Variants in PALM observed in about 807,000 individuals in gnomAD.
The protein encoded by PALM is paralemmin-1.
In PALM, 18 loss-of-function variants were observed where a neutral mutation model predicts 30.7. The observed-to-expected ratio is 0.59, with a 90% CI of 0.41 to 0.87. PALM has a LOEUF of 0.87. PALM is among the 40% of genes least tolerant of loss of function. PALM has a pLI of 0.00. For synonymous variants in PALM, 286 were observed against 242.8 expected (o/e 1.18, Z -1.66); for missense variants, 529 against 555.4 (o/e 0.95, Z 0.48).
chr19:744,722 C>T (rs1156501953), intron 8 of PALM, among the ~76,000 whole-genome samples: 1 of 151,522 alleles, frequency 6.6e-6, no homozygotes, highest in Non-Finnish European at 1.5e-5. Flanking sequence ...GGTGAAACCC[C>T]ATCTCTACTA....
In PALM at chr19:732,643, G is replaced by C. The variant is rs527332789; in HGVS notation, c.420+1398G>C. Reference sequence around the variant, plus strand: ...CAGGGGGCAGAGGTTGCAGTGAGCTGAGATCACGCCACTACACTCCAGCCT... The same window carrying C: ...CAGGGGGCAGAGGTTGCAGTGAGCTCAGATCACGCCACTACACTCCAGCCT... On this transcript the variant is annotated intron_variant, in intron 5 of 8. Coordinates refer to ENST00000338448, the MANE Select transcript of PALM (RefSeq NM_002579.3). Among the ~76,000 whole-genome samples the C allele has an allele frequency of 5.3e-5, 8 of 152,156 alleles. No individual in the cohort carries two copies. The South Asian group carries it at 1.7e-3, about 32-fold the overall frequency.
chr19:731,436 C>T (rs2032871470), intron 5 of PALM, among the ~76,000 whole-genome samples, 191 bp downstream of exon 5: 1 of 152,206 alleles, frequency 6.6e-6, no homozygotes, highest in African/African-American at 2.4e-5. Context: ...CCTTGCTGGG[C>T]CTCGGTTTCC....
At chr19:745,986 A>C (rs562503602) in intron 8 of PALM, among the ~76,000 whole-genome samples, 123 of 152,192 alleles carry the variant, frequency 8.1e-4, no homozygotes, top group African/African-American at 2.8e-3. Context: ...TGAACCCGGG[A>C]GGTGGAGCTT....
At chr19:728,769 C>G (rs973457481) in intron 4 of PALM, among the ~76,000 whole-genome samples, 2 of 151,918 alleles carry the variant, frequency 1.3e-5, no homozygotes, top group South Asian at 2.1e-4. Context: ...TTTGGGAGAC[C>G]GAGGTGGGTG....
At position 716,335 on chromosome 19, in the gene PALM, C is replaced by T. The variant is rs542353000; in HGVS notation, c.5+7184C>T. ...GGCTGAGGCAGGAGAATCGCTTGAACCCAGGAGGAGGTTGCAGTGAGCCGA... is the reference window on the plus strand; with the variant it reads ...GGCTGAGGCAGGAGAATCGCTTGAATCCAGGAGGAGGTTGCAGTGAGCCGA... On this transcript the variant is annotated intron_variant, in intron 1 of 8. Coordinates refer to ENST00000338448, the MANE Select transcript of PALM (RefSeq NM_002579.3). Among the ~76,000 whole-genome samples, 3 of 152,214 alleles carry T rather than the reference C, an allele frequency of 2.0e-5. No homozygotes were observed. The South Asian group carries it at 6.2e-4, about 32-fold the overall frequency.
chr19:723,302 A>G lies in PALM; in HGVS notation c.6-2836A>G, dbSNP rs1487956925. Among the ~76,000 whole-genome samples, 3 of 152,090 alleles carry G rather than the reference A, an allele frequency of 2.0e-5. No homozygotes were observed. The East Asian group carries it at 5.8e-4, about 29-fold the overall frequency. ...CCAGGCTGAGAGGGCTGGGGGTGGCAGCAGACACGAAGGGCAGGCTGTAAT... is the reference window on the plus strand; with the variant it reads ...CCAGGCTGAGAGGGCTGGGGGTGGCGGCAGACACGAAGGGCAGGCTGTAAT... On this transcript the variant is annotated intron_variant, in intron 1 of 8. Transcript: ENST00000338448.
chr19:722,070 C>T (rs1421231865), intron 1 of PALM, among the ~76,000 whole-genome samples: 1 of 152,262 alleles, frequency 6.6e-6, no homozygotes, highest in East Asian at 1.9e-4. Flanking sequence ...AGGCACCCGC[C>T]ACCACGCCGG....
rs189393274 is a variant in PALM at position 731,052 on chromosome 19, C to G, written c.270-43C>G. 9.4e-6 allele frequency: 13 copies of G among 1,385,248 alleles called. No homozygotes were observed. In the Middle Eastern group the frequency reaches 9.7e-4, roughly 103 times the overall value. 85.8% of individuals were successfully genotyped at this position (1,385,248 alleles called of 1,614,324 possible). On this transcript the variant is annotated intron_variant, in intron 4 of 8. Coordinates refer to ENST00000338448, the MANE Select transcript of PALM (RefSeq NM_002579.3). ...GTACAGAAGGTGCCCAGAGCCCCAC[C>G]GGGGATGCAGGAGTCACCCTCACAG...
rs544859226 is a variant in PALM at position 722,167 on chromosome 19, C to T, written c.6-3971C>T. ...TCTCCTGACCTCGTGATCCGCCCGC[C>T]TCGGCCTCCCAAAGTGCTGGGATTA... is the stretch of plus-strand genomic sequence containing the variant. On this transcript the variant is annotated intron_variant, in intron 1 of 8. Coordinates refer to ENST00000338448, the MANE Select transcript of PALM (RefSeq NM_002579.3). Among the ~76,000 whole-genome samples, 14 of 152,254 alleles carry T rather than the reference C, an allele frequency of 9.2e-5. No individual in the cohort carries two copies. In the South Asian group the frequency reaches 2.5e-3, roughly 27 times the overall value.
chr19:730,949 CA>C lies in PALM; in HGVS notation c.270-144del, dbSNP rs2032850495. 8.7e-6 allele frequency: 5 copies of C among 576,274 alleles called. No homozygotes were observed. In the South Asian group the frequency reaches 1.2e-4, roughly 14 times the overall value. 35.7% of individuals were successfully genotyped at this position (576,274 alleles called of 1,614,324 possible). ...CCGGGAGGTGGAGGTTGCAGCGAGC[CA>C]AGATCACGCCATTGCACTCCAGCCT... On this transcript the variant is annotated intron_variant, in intron 4 of 8. Coordinates refer to ENST00000338448, the MANE Select transcript of PALM (RefSeq NM_002579.3).
chr19:725,171 C>T (rs887207647), intron 1 of PALM, among the ~76,000 whole-genome samples: 8 of 151,796 alleles, frequency 5.3e-5, no homozygotes, highest in Non-Finnish European at 1.2e-4. Flanking sequence ...AGTGATCCGC[C>T]TGCCTCAGCT....
At chr19:745,261 C>T (rs534027398) in intron 8 of PALM, among the ~76,000 whole-genome samples, 2 of 152,334 alleles carry the variant, frequency 1.3e-5, no homozygotes, top group South Asian at 2.1e-4. Context: ...GGCCCCGATG[C>T]GGGGAAGGAG....
intron 1 of PALM, among the ~76,000 whole-genome samples, chr19:720,696 G>T (rs2032448248): frequency 6.6e-6 from 1 of 151,986 alleles, no homozygotes; most frequent in Admixed American, 6.5e-5. Context: ...TGCTTCCCGC[G>T]CGTTCCCTGC....
At chr19:712,738 C>T (rs1470961748) in intron 1 of PALM, among the ~76,000 whole-genome samples, 3 of 127,292 alleles carry the variant, frequency 2.4e-5, no homozygotes, top group Admixed American at 8.0e-5. Context: ...TGCAGTGGCG[C>T]GATCTCGGCT....
intron 8 of PALM, among the ~76,000 whole-genome samples, chr19:745,712 A>G (rs1395948590): frequency 1.4e-5 from 2 of 146,594 alleles, no homozygotes; most frequent in Middle Eastern, 3.9e-3. Flanking sequence ...ATCCCAATTC[A>G]TTCCTTTCCA....
chr19:725,013 G>A (rs957257994), intron 1 of PALM, among the ~76,000 whole-genome samples: 69 of 151,992 alleles, frequency 4.5e-4, no homozygotes, highest in African/African-American at 1.5e-3. Context: ...TCGACCTCCC[G>A]GGTTCAAGTG....
chr19:727,722 G>A (rs777782500), intron 4 of PALM, 28 bp downstream of exon 4: 1 of 1,520,958 alleles, frequency 6.6e-7, no homozygotes, highest in Non-Finnish European at 8.9e-7. Flanking sequence ...GGTGCCACCG[G>A]GCTGGGTGGG....
At chr19:743,714 G>T (rs557512175) in intron 8 of PALM, among the ~76,000 whole-genome samples, 1 of 152,320 alleles carries the variant, frequency 6.6e-6, no homozygotes, top group East Asian at 1.9e-4. Flanking sequence ...AATTTGCAGG[G>T]CTGTGAGCTA....
Position 746,395 on chromosome 19 carries a change from T to G in PALM, c.745T>G (p.Ser249Ala). 3.1e-6 allele frequency: 5 copies of G among 1,612,110 alleles called. No individual in the cohort carries two copies. Among genetic ancestry groups the G allele is most frequent in the Non-Finnish European group, 4.2e-6 (5 of 1,179,644 alleles). ...ADEVTLSEAGSTAGAAETRGA... is the reference protein window; with the variant it reads ...ADEVTLSEAGATAGAAETRGA... ...CGAGGTCACGCTGAGCGAGGCAGGG[T>G]CCACGGCCGGGGCGGCAGAGACCCG... Residue 249 changes from serine (S) to alanine (A), a missense_variant, in exon 9 of 9, where the codon TCC becomes GCC. Transcript: ENST00000338448. The surrounding 1 kb of genome is among the most constrained non-coding windows in gnomAD (Gnocchi z 7.1).
Sources: allele counts gnomAD v4.1 joint callset (sites outside exome capture counted in the v4.1 genomes callset), GRCh38; gene constraint gnomAD v4.1.1; non-coding constraint Gnocchi (gnomAD v3.1); transcripts MANE v1.5; gene names NCBI Gene and HGNC (gene_info 2026-07-23, HGNC 2026-07-21).